Variants in PPIP5K1 observed in about 807,000 individuals in gnomAD.
PPIP5K1 encodes diphosphoinositol pentakisphosphate kinase 1, also known as inositol hexakisphosphate and diphosphoinositol-pentakisphosphate kinase 1.
A neutral mutation model predicts 27.7 loss-of-function variants in PPIP5K1; 6 were observed. That is an observed-to-expected ratio of 0.22 (90% CI 0.12 to 0.43). The LOEUF is 0.43. Among genes scored for constraint, PPIP5K1 ranks in the 20% least tolerant of loss-of-function variants. The pLI is 1.00. For synonymous variants in PPIP5K1, 145 were observed against 242.6 expected, an observed-to-expected ratio of 0.60 and a Z score of 3.74; for missense variants, 394 against 635.4, an observed-to-expected ratio of 0.62 and a Z score of 4.08.
chr15:43,550,758 T>C (rs1457052997), intron 30 of PPIP5K1, among the ~76,000 whole-genome samples: 12 of 152,246 alleles, frequency 7.9e-5, no homozygotes, highest in African/African-American at 2.9e-4. Flanking sequence ...AAATGCCCTT[T>C]ATCATGTTCA....
intron 30 of PPIP5K1, among the ~76,000 whole-genome samples, chr15:43,557,965 C>T (rs192527501): frequency 1.4e-3 from 214 of 151,796 alleles, no homozygotes; most frequent in Non-Finnish European, 2.4e-3. Context: ...CCACTGCACC[C>T]CACTCATTCT....
intron 30 of PPIP5K1, among the ~76,000 whole-genome samples, chr15:43,543,863 T>C (rs2081067308): frequency 6.6e-6 from 1 of 151,636 alleles, no homozygotes; most frequent in Admixed American, 6.6e-5. Context: ...GTAGTATCAA[T>C]ATCACTATTA....
intron 23 of PPIP5K1, among the ~76,000 whole-genome samples, chr15:43,572,433 CA>C (rs1192497589): frequency 0.019 from 721 of 37,050 alleles, 2 homozygotes; most frequent in African/African-American, 0.035. Context: ...GACCTTGTCT[CA>C]AAAAAAAAAA....
intron 31 of PPIP5K1, 133 bp downstream of exon 31, chr15:43,539,337 G>C: frequency 4.3e-6 from 3 of 695,416 alleles, no homozygotes; most frequent in Non-Finnish European, 5.2e-6. Flanking sequence ...TGGCAGATGA[G>C]ACTGCTTCCC....
At chr15:43,549,310 C>T (rs1165108245) in intron 30 of PPIP5K1, among the ~76,000 whole-genome samples, 2 of 151,906 alleles carry the variant, frequency 1.3e-5, no homozygotes, top group African/African-American at 4.8e-5. Context: ...CTTTTGAATG[C>T]TATGGAAAAT....
intron 30 of PPIP5K1, among the ~76,000 whole-genome samples, chr15:43,542,387 G>A (rs2080856037): frequency 6.6e-6 from 1 of 151,764 alleles, no homozygotes; most frequent in African/African-American, 2.4e-5. Flanking sequence ...AAACTCCCAG[G>A]TTCAAGCGAT....
At position 43,534,796 on chromosome 15, in the gene PPIP5K1, C is replaced by A; in HGVS notation, c.4351G>T (p.Ala1451Ser). Reference protein sequence around the residue: ...QEFSVEVGRLAQETSAINLLS... With the variant: ...QEFSVEVGRLSQETSAINLLS... ...AGATTGATCGCAGAAGTCTCCTGGG[C>A]CAGCCTGCCAACCTCCACAGAGAAC... Residue 1451 changes from alanine (A) to serine (S), a missense_variant, in exon 32 of 32, where the codon GCC becomes TCC. Ala to Ser is a moderately conservative substitution (Grantham distance 99, BLOSUM62 1). Coordinates refer to ENST00000420765, the MANE Select transcript of PPIP5K1 (RefSeq NM_001394395.1). 1 of 1,598,324 alleles carries A rather than the reference C, an allele frequency of 6.3e-7. No individual in the cohort carries two copies. The highest frequency in any genetic ancestry group is 8.5e-7 in the Non-Finnish European group (1 of 1,172,622).
At chr15:43,550,590 T>C (rs566889028) in intron 30 of PPIP5K1, among the ~76,000 whole-genome samples, 18 of 152,240 alleles carry the variant, frequency 1.2e-4, no homozygotes, top group Non-Finnish European at 2.4e-4. Context: ...TTTTATTTTT[T>C]CTTTTCCAAT....
chr15:43,540,473 C>G (rs2080519319), intron 30 of PPIP5K1, among the ~76,000 whole-genome samples: 1 of 151,588 alleles, frequency 6.6e-6, no homozygotes, highest in Non-Finnish European at 1.5e-5. Flanking sequence ...CCGGGGCAGG[C>G]AGATCACGAG....
At chr15:43,537,705 A>G (rs2080083485) in intron 31 of PPIP5K1, among the ~76,000 whole-genome samples, 1 of 134,482 alleles carries the variant, frequency 7.4e-6, no homozygotes, top group East Asian at 2.0e-4. Flanking sequence ...AAAAAAAAAA[A>G]AAGAGAGAGA....
At chr15:43,549,068 TATATATATATATAC>T in intron 30 of PPIP5K1, among the ~76,000 whole-genome samples, 1 of 97,088 alleles carries the variant, frequency 1.0e-5, no homozygotes, top group African/African-American at 5.4e-5. Context: ...TATATATATA[TATATATATATATAC>T]ATATATATAA....
intron 30 of PPIP5K1, among the ~76,000 whole-genome samples, chr15:43,546,605 T>C (rs868757279): frequency 2.0e-5 from 3 of 151,792 alleles, no homozygotes; most frequent in African/African-American, 7.3e-5. Context: ...TTATTGTGAA[T>C]AGTGTTGCCA....
In PPIP5K1 at chr15:43,534,648, A is replaced by C. The variant is rs376449089; in HGVS notation, c.*26T>G. On this transcript the variant is annotated 3_prime_UTR_variant, in exon 32 of 32. Coordinates refer to ENST00000420765, the MANE Select transcript of PPIP5K1 (RefSeq NM_001394395.1). ...AATACCCTCTCCAGGCAGCTGATCA[A>C]TCACTTCAGGGACCACCCAGGACTT... The C allele has an allele frequency of 1.3e-6, 2 of 1,505,454 alleles. No homozygotes were observed. The highest frequency in any genetic ancestry group is 2.8e-5 in the African/African-American group (2 of 71,436). 93.3% of individuals were successfully genotyped at this position (1,505,454 alleles called of 1,614,324 possible).
chr15:43,545,470 ACTT>A lies in PPIP5K1; in HGVS notation c.3557-5890_3557-5888del, dbSNP rs1052515803. On this transcript the variant is annotated intron_variant, in intron 30 of 31. Coordinates refer to ENST00000420765, the MANE Select transcript of PPIP5K1 (RefSeq NM_001394395.1). ...GCTATCTGCATTTCTTTCTCTGTAC[ACTT>A]CTTTTTTTTTTTTTTTTTTTTAGTG... 9.0e-5 allele frequency among the ~76,000 whole-genome samples: 13 copies of A among 144,812 alleles called. No individual in the cohort carries two copies. The South Asian group carries it at 2.2e-3, about 24-fold the overall frequency.
rs1295246853 is a variant in PPIP5K1 at position 43,535,755 on chromosome 15, T to C, written c.3671-279A>G. ...TCATCTGGTTCTTTCACAAATACAC[T>C]CCCATCCCAATTCCAAGTTCCCAAG... On this transcript the variant is annotated intron_variant, in intron 31 of 31. Coordinates refer to ENST00000420765, the MANE Select transcript of PPIP5K1 (RefSeq NM_001394395.1). Among the ~76,000 whole-genome samples the C allele has an allele frequency of 4.6e-5, 7 of 152,240 alleles. No individual in the cohort carries two copies. The South Asian group carries it at 1.2e-3, about 27-fold the overall frequency.
intron 30 of PPIP5K1, among the ~76,000 whole-genome samples, chr15:43,542,710 C>A (rs116502684): frequency 7.6e-4 from 112 of 147,398 alleles, no homozygotes; most frequent in African/African-American, 2.6e-3. Context: ...TAGAGACAGG[C>A]TCTTACTCTG....
intron 30 of PPIP5K1, among the ~76,000 whole-genome samples, chr15:43,544,912 C>T (rs546427958): frequency 1.3e-5 from 2 of 152,278 alleles, no homozygotes; most frequent in East Asian, 3.9e-4. Flanking sequence ...GGCGTGGTGG[C>T]TCACGCCTGT....
At chr15:43,551,270 C>T (rs1048090031) in intron 30 of PPIP5K1, among the ~76,000 whole-genome samples, 1 of 152,052 alleles carries the variant, frequency 6.6e-6, no homozygotes, top group Non-Finnish European at 1.5e-5. Flanking sequence ...GTAATCCCAG[C>T]ACTTTGGGAG....
rs1265259988 is a variant in PPIP5K1, at chr15:43,540,852, ACT to A, written c.3557-1271_3557-1270del. ...ACTCTACCATGGGCGACAGAGAGAG[ACT>A]CTGTCTCAAAAAAAAAAAAAAAAAA... On this transcript the variant is annotated intron_variant, in intron 30 of 31. Transcript: ENST00000420765. Among the ~76,000 whole-genome samples, 7 of 127,658 alleles carry A rather than the reference ACT, an allele frequency of 5.5e-5. No individual in the cohort carries two copies. The East Asian group carries it at 1.3e-3, about 25-fold the overall frequency. The allele number at this position is 127,658 out of a possible 152,430, so 83.7% of individuals were successfully genotyped here.
Sources: allele counts gnomAD v4.1 joint callset (sites outside exome capture counted in the v4.1 genomes callset), GRCh38; gene constraint gnomAD v4.1.1; transcripts MANE v1.5; gene names NCBI Gene and HGNC (gene_info 2026-07-23, HGNC 2026-07-21).